The following GDAP1L1 variants were observed in gnomAD, a reference collection of about 807,000 sequenced individuals.
GDAP1L1 encodes ganglioside induced differentiation associated protein 1 like 1.
A neutral mutation model predicts 37.1 loss-of-function variants in GDAP1L1; 21 were observed. That is an observed-to-expected ratio of 0.57 (90% CI 0.40 to 0.81). The LOEUF is 0.81. GDAP1L1 is among the 40% of genes least tolerant of loss of function. The probability of loss-of-function intolerance (pLI) is 0.00; values close to 1 mark genes in which losing one functional copy is unlikely to be tolerated. For missense variants in GDAP1L1, 362 were observed against 491.6 expected (o/e 0.74, Z 2.49); for synonymous variants, 193 against 209.1 (o/e 0.92, Z 0.67).
chr20:44,251,342 C>T (rs2073437825), intron 1 of GDAP1L1, among the ~76,000 whole-genome samples: 1 of 152,188 alleles, frequency 6.6e-6, no homozygotes, highest in South Asian at 2.1e-4. Flanking sequence ...CCCTTACTGC[C>T]TCCTCTCAGG....
intron 3 of GDAP1L1, 137 bp downstream of exon 3, chr20:44,258,744 A>C (rs2073614350): frequency 1.7e-5 from 11 of 643,112 alleles, no homozygotes; most frequent in African/African-American, 7.6e-5. Flanking sequence ...TGCATTCTCC[A>C]TTTGTCCCCG....
At chr20:44,249,333 C>T (rs548410822) in intron 1 of GDAP1L1, among the ~76,000 whole-genome samples, 4 of 152,204 alleles carry the variant, frequency 2.6e-5, no homozygotes, top group African/African-American at 9.6e-5. Context: ...CCACCAGGAG[C>T]GGCCGTTATG....
intron 1 of GDAP1L1, among the ~76,000 whole-genome samples, chr20:44,247,855 G>T (rs189675720): frequency 0.014 from 2,135 of 152,148 alleles, 60 homozygotes; most frequent in African/African-American, 0.049. Flanking sequence ...TGGGAAGGCG[G>T]CTTGGTGGGG....
At chr20:44,247,700 CTGGGCCCCAGGA>C (rs1404522999) in intron 1 of GDAP1L1, among the ~76,000 whole-genome samples, 186 bp downstream of exon 1, 3 of 148,180 alleles carry the variant, frequency 2.0e-5, no homozygotes, top group Non-Finnish European at 3.0e-5. Flanking sequence ...CAGGCCCTGT[CTGGGCCCCAGGA>C]GCACAGTTCT....
chr20:44,274,714 G>A (rs1436580990), intron 5 of GDAP1L1, among the ~76,000 whole-genome samples: 2 of 152,066 alleles, frequency 1.3e-5, no homozygotes, highest in Non-Finnish European at 2.9e-5. Context: ...GTTTGCAGAG[G>A]GACCCCGGGT....
Position 44,264,558 on chromosome 20 carries a change from G to A in GDAP1L1, c.759G>A (p.Glu253=), listed in dbSNP as rs534019670. ...TGGAGAAGAGGAAGCTGGAGAACGA[G>A]GGTGGGTGCCAGCCCTGGGGGAGGT... The part of the protein sequence containing the change: ...AELEKRKLEN[E]GQKCELWLCG... The change falls in exon 5 of 6, where the codon GAG becomes GAA. Residue 253 remains glutamate (E), a splice_region_variant and synonymous_variant. Transcript: ENST00000342560. The A allele has an allele frequency of 6.2e-7, 1 of 1,610,756 alleles. No individual in the cohort carries two copies. The highest frequency in any genetic ancestry group is 1.3e-5 in the African/African-American group (1 of 74,964).
rs2073705530 is a variant in GDAP1L1 at position 44,263,303 on chromosome 20, C to T, written c.621C>T (p.Tyr207=). 6.2e-7 allele frequency: 1 copy of T among 1,614,014 alleles called. No homozygotes were observed. Among genetic ancestry groups the T allele is most frequent in the Non-Finnish European group, 8.5e-7 (1 of 1,179,862 alleles). ...HEEEPQLSEP[Y]LSKQKKLMAK... is the part of the protein sequence containing the mutation. ...AGGAGCCCCAGCTCTCCGAGCCCTA[C>T]CTTTCTAAACAAAAGAAGCTCATGG... Residue 207 remains tyrosine, a synonymous_variant, in exon 4 of 6, where the codon TAC becomes TAT. Transcript: ENST00000342560.
At chr20:44,270,315 C>A (rs922905648) in intron 5 of GDAP1L1, among the ~76,000 whole-genome samples, 1 of 150,160 alleles carries the variant, frequency 6.7e-6, no homozygotes, top group East Asian at 2.0e-4. Context: ...GGACTACAGG[C>A]GCCCGCCACT....
chr20:44,252,415 G>A (rs1015285616), intron 1 of GDAP1L1, among the ~76,000 whole-genome samples: 14 of 152,182 alleles, frequency 9.2e-5, no homozygotes, highest in Admixed American at 2.6e-4. Flanking sequence ...CAAGGCAGGC[G>A]GATCACCTGA....
intron 4 of GDAP1L1, among the ~76,000 whole-genome samples, chr20:44,263,699 C>T (rs2073713274): frequency 6.6e-6 from 1 of 152,118 alleles, no homozygotes; most frequent in Admixed American, 6.6e-5. Flanking sequence ...CAAAAATTAG[C>T]CGGGCATCAT....
chr20:44,248,450 T>G (rs2073376600), intron 1 of GDAP1L1, among the ~76,000 whole-genome samples: 2 of 152,254 alleles, frequency 1.3e-5, no homozygotes, highest in Non-Finnish European at 2.9e-5. Flanking sequence ...TTTGTTCCAT[T>G]CGTTCATTTT....
At chr20:44,255,540 T>TA (rs2073522509) in intron 1 of GDAP1L1, among the ~76,000 whole-genome samples, 1 of 34,586 alleles carries the variant, frequency 2.9e-5, no homozygotes, top group Non-Finnish European at 5.4e-5. Context: ...AGACTCTGTC[T>TA]CAAAAAAAAA....
intron 3 of GDAP1L1, among the ~76,000 whole-genome samples, chr20:44,261,179 A>C (rs2073667615): frequency 6.6e-6 from 1 of 152,198 alleles, no homozygotes. Flanking sequence ...CCCAGAGTGC[A>C]GAAGGAGTAG....
intron 1 of GDAP1L1, among the ~76,000 whole-genome samples, chr20:44,254,706 C>T (rs1039532208): frequency 6.6e-6 from 1 of 152,228 alleles, no homozygotes; most frequent in African/African-American, 2.4e-5. Context: ...TCTCTACCTG[C>T]ACCATGCGCC....
At position 44,264,460 on chromosome 20, in the gene GDAP1L1, C is replaced by T. The variant is rs1476606769; in HGVS notation, c.661C>T (p.His221Tyr). The T allele has an allele frequency of 1.3e-6, 2 of 1,510,664 alleles. No individual in the cohort carries two copies. Among genetic ancestry groups the T allele is most frequent in the East Asian group, 2.3e-5 (1 of 42,704 alleles). 93.6% of individuals were successfully genotyped at this position (1,510,664 alleles called of 1,614,324 possible). ...QKKLMAKILEHDDVSYLKKIL... is the reference protein window; with the variant it reads ...QKKLMAKILEYDDVSYLKKIL... ...CTGCCCCCAGGCCAAGATCTTGGAG[C>T]ATGATGATGTGAGCTACCTGAAGAA... is the stretch of plus-strand genomic sequence containing the variant. Residue 221 changes from histidine (H) to tyrosine (Y), a missense_variant, in exon 5 of 6, where the codon CAT becomes TAT. Transcript: ENST00000342560.
chr20:44,249,278 TC>T (rs1327443776), intron 1 of GDAP1L1, among the ~76,000 whole-genome samples: 1 of 152,164 alleles, frequency 6.6e-6, no homozygotes, highest in Non-Finnish European at 1.5e-5. Context: ...TCTCAAGTGA[TC>T]CACTCACTTT....
At chr20:44,248,868 A>G (rs1350457701) in intron 1 of GDAP1L1, among the ~76,000 whole-genome samples, 1 of 152,198 alleles carries the variant, frequency 6.6e-6, no homozygotes, top group Non-Finnish European at 1.5e-5. Flanking sequence ...AGCTGTGGAC[A>G]GGTCCCTTTG....
chr20:44,267,977 C>G (rs1290348573), intron 5 of GDAP1L1, among the ~76,000 whole-genome samples: 1 of 152,174 alleles, frequency 6.6e-6, no homozygotes, highest in Non-Finnish European at 1.5e-5. Context: ...CCCTCTGGGG[C>G]TGGGGGAGGT....
chr20:44,272,701 C>T (rs755553943), intron 5 of GDAP1L1, among the ~76,000 whole-genome samples: 12 of 152,136 alleles, frequency 7.9e-5, no homozygotes, highest in African/African-American at 1.4e-4. Context: ...GCTGCCCAGG[C>T]GCACACACAA....
Sources: gnomAD v4.1 joint callset for allele counts (sites outside exome capture counted in the v4.1 genomes callset) on GRCh38, gnomAD v4.1.1 for gene constraint, MANE v1.5 for transcripts, NCBI Gene and HGNC (gene_info 2026-07-23, HGNC 2026-07-21) for gene names.